The following TRAPPC9 variants were observed in gnomAD, a reference collection of about 807,000 sequenced individuals.
TRAPPC9 encodes IKK2 binding protein.
In TRAPPC9, 83 loss-of-function variants were observed where a neutral mutation model predicts 124.0. That is an observed-to-expected ratio of 0.67 (90% CI 0.56 to 0.80). The LOEUF is 0.80. Ranked by LOEUF, TRAPPC9 falls within the 30% of genes least tolerant of loss-of-function variation. TRAPPC9 has a pLI of 0.00. For synonymous variants in TRAPPC9, 638 were observed against 617.5 expected (o/e 1.03, Z -0.49); for missense variants, 1,302 against 1,508.3 (o/e 0.86, Z 2.27).
intron 21 of TRAPPC9, among the ~76,000 whole-genome samples, chr8:139,768,984 C>A (rs916826120): frequency 1.3e-5 from 2 of 152,192 alleles, no homozygotes; most frequent in Non-Finnish European, 2.9e-5. Flanking sequence ...CGTCTACAGG[C>A]CAAGGAGCGA....
chr8:140,271,601 T>C (rs1009142972), intron 15 of TRAPPC9, among the ~76,000 whole-genome samples: 3 of 152,108 alleles, frequency 2.0e-5, no homozygotes, highest in African/African-American at 7.2e-5. Context: ...AAAGTCCTCA[T>C]ACAAAAGAGG....
intron 17 of TRAPPC9, among the ~76,000 whole-genome samples, chr8:140,187,522 A>C (rs914546823): frequency 1.3e-5 from 2 of 152,202 alleles, no homozygotes; most frequent in Non-Finnish European, 2.9e-5. Flanking sequence ...CATTGAAAAA[A>C]TTCCAGTTCT....
At chr8:140,436,794 G>C (rs2070829757) in intron 3 of TRAPPC9, among the ~76,000 whole-genome samples, 1 of 152,168 alleles carries the variant, frequency 6.6e-6, no homozygotes, top group African/African-American at 2.4e-5. Flanking sequence ...GGAGTACTTA[G>C]GGAGACAATG....
At chr8:139,847,488 G>A (rs545575660) in intron 21 of TRAPPC9, among the ~76,000 whole-genome samples, 14 of 152,310 alleles carry the variant, frequency 9.2e-5, no homozygotes, top group African/African-American at 2.4e-4. Flanking sequence ...GTCCCGCCTC[G>A]GCCGGGTCTG....
At chr8:140,431,264 C>T (rs1386635823) in intron 4 of TRAPPC9, among the ~76,000 whole-genome samples, 5 of 151,912 alleles carry the variant, frequency 3.3e-5, no homozygotes, top group African/African-American at 4.8e-5. Flanking sequence ...CAAGACCAGC[C>T]TGGCCAACAT....
chr8:140,315,200 AT>A (rs993168614), intron 9 of TRAPPC9, among the ~76,000 whole-genome samples: 2 of 126,346 alleles, frequency 1.6e-5, no homozygotes, highest in Non-Finnish European at 3.3e-5. Flanking sequence ...GATGTTAAGC[AT>A]TTTTTCATAC....
intron 18 of TRAPPC9, among the ~76,000 whole-genome samples, chr8:140,007,363 TACA>T (rs1332605577): frequency 1.3e-5 from 2 of 152,226 alleles, no homozygotes; most frequent in African/African-American, 4.8e-5. Context: ...GGCCTCAAAA[TACA>T]ACGTTTAAAA....
chr8:140,056,130 C>CA (rs1211905090), intron 17 of TRAPPC9, among the ~76,000 whole-genome samples: 1 of 151,898 alleles, frequency 6.6e-6, no homozygotes, highest in African/African-American at 2.4e-5. Flanking sequence ...GCATGGTAGC[C>CA]AGGCACAGTG....
At chr8:139,837,199 C>T (rs1249599143) in intron 21 of TRAPPC9, among the ~76,000 whole-genome samples, 4 of 152,310 alleles carry the variant, frequency 2.6e-5, no homozygotes, top group East Asian at 3.9e-4. Flanking sequence ...TTACCATCAC[C>T]GTGACACACA....
intron 19 of TRAPPC9, among the ~76,000 whole-genome samples, chr8:139,911,000 A>C (rs1256934626): frequency 6.6e-6 from 1 of 152,170 alleles, no homozygotes; most frequent in Non-Finnish European, 1.5e-5. Context: ...TTGGTTTTGA[A>C]ATGTGAAGAT....
At chr8:140,152,640 T>C (rs1317891137) in intron 17 of TRAPPC9, among the ~76,000 whole-genome samples, 7 of 152,082 alleles carry the variant, frequency 4.6e-5, no homozygotes. Flanking sequence ...AGTGCTGGGA[T>C]TACAGGCATG....
intron 21 of TRAPPC9, among the ~76,000 whole-genome samples, chr8:139,875,407 G>A (rs73726693): frequency 0.034 from 5,180 of 152,320 alleles, 151 homozygotes; most frequent in East Asian, 0.097. Context: ...GGGGGCCTGT[G>A]AACAGAGGCC....
At chr8:140,108,068 G>A (rs1019638373) in intron 17 of TRAPPC9, among the ~76,000 whole-genome samples, 6 of 136,284 alleles carry the variant, frequency 4.4e-5, no homozygotes, top group Admixed American at 2.6e-4. Flanking sequence ...GGTGATATCC[G>A]AACTCACAAT....
intron 21 of TRAPPC9, among the ~76,000 whole-genome samples, chr8:139,824,836 T>C (rs1825510601): frequency 6.6e-6 from 1 of 152,126 alleles, no homozygotes; most frequent in Non-Finnish European, 1.5e-5. Context: ...GTGCTAGGAT[T>C]ATAGGTGTGA....
chr8:140,135,130 T>C (rs1171820917), intron 17 of TRAPPC9, among the ~76,000 whole-genome samples: 1 of 152,174 alleles, frequency 6.6e-6, no homozygotes, highest in Non-Finnish European at 1.5e-5. Flanking sequence ...ACTTCCCACC[T>C]AGTAGCATGG....
intron 21 of TRAPPC9, among the ~76,000 whole-genome samples, chr8:139,815,823 G>C (rs1371478777): frequency 1.3e-5 from 2 of 152,266 alleles, no homozygotes; most frequent in Non-Finnish European, 2.9e-5. Context: ...CACACACACA[G>C]AGGGCAAGGA....
At chr8:140,456,758 C>G in intron 1 of TRAPPC9, 1 of 983,926 alleles carries the variant, frequency 1.0e-6, no homozygotes, top group Non-Finnish European at 1.2e-6. Flanking sequence ...CCAGTTTAAA[C>G]TGGGGCCGTG....
chr8:140,347,821 T>C (rs751281415), intron 9 of TRAPPC9, among the ~76,000 whole-genome samples: 4 of 152,274 alleles, frequency 2.6e-5, no homozygotes, highest in Non-Finnish European at 4.4e-5. Flanking sequence ...AGAACTGTTA[T>C]GAATACAGTG....
chr8:139,861,451 G>A (rs898722849), intron 21 of TRAPPC9, among the ~76,000 whole-genome samples: 3 of 152,204 alleles, frequency 2.0e-5, no homozygotes, highest in Non-Finnish European at 4.4e-5. Context: ...GATGAGTCAG[G>A]ATGGATTGGG....
Sources: allele counts gnomAD v4.1 joint callset (sites outside exome capture counted in the v4.1 genomes callset), GRCh38; gene constraint gnomAD v4.1.1; transcripts MANE v1.5; gene names NCBI Gene and HGNC (gene_info 2026-07-23, HGNC 2026-07-21).